Variants in ATP8A2 observed in about 807,000 individuals in gnomAD.
ATP8A2 encodes the protein phospholipid-transporting ATPase IB.
Under a neutral mutation model 165.6 loss-of-function variants are expected in ATP8A2, and 100 were observed. The observed-to-expected ratio is 0.60, with a 90% CI of 0.51 to 0.71. The LOEUF (loss-of-function observed/expected upper bound fraction) is 0.71, where lower values mean the gene tolerates loss of function less well. ATP8A2 is among the 30% of genes least tolerant of loss of function. ATP8A2 has a pLI of 0.00. For missense variants in ATP8A2, 1,227 were observed against 1,479.5 expected (o/e 0.83, Z 2.80); for synonymous variants, 543 against 548.8 (o/e 0.99, Z 0.15).
In ATP8A2 at chr13:25,372,325, CG is replaced by C; in HGVS notation, c.76+41del. On this transcript the variant is annotated intron_variant, in intron 1 of 36. Transcript: ENST00000381655. The surrounding 1 kb of genome is among the most constrained non-coding windows in gnomAD (Gnocchi z 4.8). ...GGGGCGCGGCGAGGGAGGGTGGGCC[CG>C]GGGCGGGGGCGGCGCGGGGCGCGCC... 1 of 445,572 alleles carries C rather than the reference CG, an allele frequency of 2.2e-6. No individual in the cohort carries two copies. The highest frequency in any genetic ancestry group is 4.1e-6 in the Non-Finnish European group (1 of 246,160). The allele number at this position is 445,572 out of a possible 1,614,324, so 27.6% of individuals were successfully genotyped here.
At position 25,800,556 on chromosome 13, in the gene ATP8A2, A is replaced by G. The variant is rs907823635; in HGVS notation, c.2679+25597A>G. 8.5e-5 allele frequency among the ~76,000 whole-genome samples: 13 copies of G among 152,180 alleles called. 1 individual carries two copies. Among genetic ancestry groups the G allele is most frequent in the African/African-American group, 3.1e-4 (13 of 41,448 alleles). Reference sequence around the variant, plus strand: ...TTTGACTTTAAAGGAGTAGTGTGGCAGGCTCCTGGACACCTGGAGGCACTA... The same window carrying G: ...TTTGACTTTAAAGGAGTAGTGTGGCGGGCTCCTGGACACCTGGAGGCACTA... On this transcript the variant is annotated intron_variant, in intron 27 of 36. Transcript: ENST00000381655.
At chr13:25,464,047 C>T (rs990603402) in intron 1 of ATP8A2, among the ~76,000 whole-genome samples, 3 of 152,196 alleles carry the variant, frequency 2.0e-5, no homozygotes, top group African/African-American at 7.2e-5. Flanking sequence ...GGGTGCTTAT[C>T]TCATTAGTCT....
chr13:25,395,922 C>T (rs990881470), intron 1 of ATP8A2, among the ~76,000 whole-genome samples: 1 of 152,132 alleles, frequency 6.6e-6, no homozygotes, highest in Admixed American at 6.6e-5. Context: ...CAGCTCACTG[C>T]TACCTCCGTC....
rs570747138 is a variant in ATP8A2 at position 25,813,030 on chromosome 13, C to A, written c.2680-15088C>A. 2.6e-5 allele frequency among the ~76,000 whole-genome samples: 4 copies of A among 152,004 alleles called. No individual in the cohort carries two copies. The South Asian group carries it at 8.3e-4, about 32-fold the overall frequency. ...GCTGAACAGTGTGAACACATAGACA[C>A]AGGGAGGGGAACACCACACACTGGG... is the stretch of plus-strand genomic sequence containing the variant. On this transcript the variant is annotated intron_variant, in intron 27 of 36. Coordinates refer to ENST00000381655, the MANE Select transcript of ATP8A2 (RefSeq NM_016529.6).
rs558990790 is a variant in ATP8A2 at position 25,886,096 on chromosome 13, CT to C, written c.3183+23692del. On this transcript the variant is annotated intron_variant, in intron 33 of 36. Transcript: ENST00000381655. The stretch of plus-strand genomic sequence containing the variant: ...CAAGCTGCATTTTGTTTGAAAGAAG[CT>C]TTTCCTCCAAGAATATTACAGTAGT... Among the ~76,000 whole-genome samples, 20 of 152,326 alleles carry C rather than the reference CT, an allele frequency of 1.3e-4. 1 individual carries two copies. In the South Asian group the frequency reaches 3.7e-3, roughly 28 times the overall value.
chr13:25,614,189 C>T (rs2040763076), intron 24 of ATP8A2, among the ~76,000 whole-genome samples: 1 of 152,114 alleles, frequency 6.6e-6, no homozygotes, highest in East Asian at 1.9e-4. Flanking sequence ...GGTCGTTTAA[C>T]ATAATACAAA....
At chr13:25,990,820 A>G (rs1179933003) in intron 35 of ATP8A2, among the ~76,000 whole-genome samples, 3 of 152,098 alleles carry the variant, frequency 2.0e-5, no homozygotes, top group Admixed American at 2.0e-4. Context: ...ACTATTCTTC[A>G]CTTGCTTGGT....
chr13:26,020,983 T>G lies in ATP8A2; in HGVS notation c.*998T>G, dbSNP rs1957073930. ...AATACTCCCTTCCCAACATCCAGAC[T>G]GCTGGGCCTTTGGCATCCACTTACA... On this transcript the variant is annotated 3_prime_UTR_variant, in exon 37 of 37. Transcript: ENST00000381655. 1 of 152,290 alleles carries G rather than the reference T, an allele frequency of 6.6e-6. No individual in the cohort carries two copies. Among genetic ancestry groups the G allele is most frequent in the Non-Finnish European group, 1.5e-5 (1 of 68,072 alleles). 9.4% of individuals were successfully genotyped at this position (152,290 alleles called of 1,614,324 possible). A position where few individuals can be genotyped will look rare whatever the true frequency, so the allele number is the denominator to read the frequency against.
intron 25 of ATP8A2, among the ~76,000 whole-genome samples, chr13:25,759,523 T>C (rs1279177849): frequency 6.6e-6 from 1 of 152,096 alleles, no homozygotes; most frequent in African/African-American, 2.4e-5. Context: ...GAACAATACA[T>C]GTATGTTAAC....
intron 24 of ATP8A2, among the ~76,000 whole-genome samples, chr13:25,640,701 C>G (rs1450364500): frequency 6.6e-6 from 1 of 152,184 alleles, no homozygotes; most frequent in African/African-American, 2.4e-5. Flanking sequence ...ACCATTCCTT[C>G]TGAAATGATT....
chr13:25,594,340 C>A (rs759519072), intron 24 of ATP8A2, among the ~76,000 whole-genome samples: 1 of 152,104 alleles, frequency 6.6e-6, no homozygotes, highest in South Asian at 2.1e-4. Context: ...ATATAGAGAA[C>A]GCAGTGTAGC....
chr13:25,465,851 T>C (rs377514583), intron 1 of ATP8A2, among the ~76,000 whole-genome samples: 307 of 149,542 alleles, frequency 2.1e-3, no homozygotes, highest in South Asian at 0.011. Context: ...CTCGAACTCC[T>C]GGGCTCAAGG....
chr13:25,467,301 G>A (rs540686354), intron 1 of ATP8A2, among the ~76,000 whole-genome samples: 2 of 152,324 alleles, frequency 1.3e-5, no homozygotes, highest in East Asian at 3.9e-4. Flanking sequence ...CCCACTAGGC[G>A]TCCCCATCTA....
At chr13:25,669,000 TAAAGTTGTTGTCTA>T (rs2042210587) in intron 24 of ATP8A2, among the ~76,000 whole-genome samples, 1 of 152,228 alleles carries the variant, frequency 6.6e-6, no homozygotes, top group Non-Finnish European at 1.5e-5. Context: ...ACAGTTAATT[TAAAGTTGTTGTCTA>T]GTAAGCCCAG....
intron 1 of ATP8A2, among the ~76,000 whole-genome samples, chr13:25,445,279 T>C (rs2035038956): frequency 6.6e-6 from 1 of 152,180 alleles, no homozygotes; most frequent in African/African-American, 2.4e-5. Context: ...TTAAAATAGG[T>C]TGAATTAGAT....
intron 36 of ATP8A2, among the ~76,000 whole-genome samples, chr13:26,015,283 A>C (rs2139367494): frequency 6.6e-6 from 1 of 152,342 alleles, no homozygotes; most frequent in South Asian, 2.1e-4. Context: ...TCGGGTGGTC[A>C]GAGCTGGTCC....
chr13:25,821,434 A>T (rs1006516131), intron 27 of ATP8A2, among the ~76,000 whole-genome samples: 1 of 152,196 alleles, frequency 6.6e-6, no homozygotes, highest in African/African-American at 2.4e-5. Context: ...TTACAAAGTT[A>T]TGTGTTTGTT....
In ATP8A2 at chr13:25,372,503, C is replaced by G. The variant is rs1454436281; in HGVS notation, c.76+215C>G. On this transcript the variant is annotated intron_variant, in intron 1 of 36. Coordinates refer to ENST00000381655, the MANE Select transcript of ATP8A2 (RefSeq NM_016529.6). The surrounding 1 kb of genome is among the most constrained non-coding windows in gnomAD (Gnocchi z 4.8). ...GGGGCCAAAAGGCTCCAGGCCGGGG[C>G]GAGGTGAGCGGCGGGCGTCAGAGAC... Among the ~76,000 whole-genome samples, 2 of 152,266 alleles carry G rather than the reference C, an allele frequency of 1.3e-5. No homozygotes were observed. Among genetic ancestry groups the G allele is most frequent in the East Asian group, 3.9e-4 (2 of 5,156 alleles).
At chr13:25,528,531 G>A (rs145151098) in intron 2 of ATP8A2, among the ~76,000 whole-genome samples, 1 of 152,282 alleles carries the variant, frequency 6.6e-6, no homozygotes, top group Admixed American at 6.5e-5. Context: ...TTACTCTGTT[G>A]TTCCAGGCTT....
Sources: allele counts gnomAD v4.1 joint callset (sites outside exome capture counted in the v4.1 genomes callset), GRCh38; gene constraint gnomAD v4.1.1; non-coding constraint Gnocchi (gnomAD v3.1); transcripts MANE v1.5; gene names NCBI Gene and HGNC (gene_info 2026-07-23, HGNC 2026-07-21).